PTPRC: variants seen among roughly 807,000 people sequenced by gnomAD.
PTPRC encodes the protein receptor-type tyrosine-protein phosphatase C.
Under a neutral mutation model 155.9 loss-of-function variants are expected in PTPRC, and 44 were observed. The observed-to-expected ratio is 0.28, with a 90% CI of 0.22 to 0.36. The LOEUF (loss-of-function observed/expected upper bound fraction) is 0.36, where lower values mean the gene tolerates loss of function less well. PTPRC is among the 10% of genes least tolerant of loss of function. The pLI is 1.00. For synonymous variants in PTPRC, 525 were observed against 533.1 expected (o/e 0.98, Z 0.21); for missense variants, 1,401 against 1,564.6 (o/e 0.90, Z 1.76).
intron 2 of PTPRC, among the ~76,000 whole-genome samples, chr1:198,666,335 G>A (rs917548809): frequency 2.6e-5 from 4 of 151,902 alleles, no homozygotes; most frequent in Non-Finnish European, 4.4e-5. Flanking sequence ...ATGTGTATGT[G>A]TGGAATCATG....
At chr1:198,729,886 A>C (rs1654310234) in intron 17 of PTPRC, among the ~76,000 whole-genome samples, 2 of 152,104 alleles carry the variant, frequency 1.3e-5, no homozygotes, top group Admixed American at 6.6e-5. Flanking sequence ...CAATGGACAA[A>C]TGAGGGAGTG....
At chr1:198,680,112 A>T (rs1374045797) in intron 2 of PTPRC, 3 of 410,910 alleles carry the variant, frequency 7.3e-6, no homozygotes, top group Non-Finnish European at 1.3e-5. Context: ...GCGACTCGGC[A>T]GCCTCTGAAA....
chr1:198,715,695 A>G lies in PTPRC; in HGVS notation c.1292-987A>G, dbSNP rs76330067. The stretch of plus-strand genomic sequence containing the variant: ...AATCTCTCTGTGGCTCAGTTTTGTC[A>G]TCTGTAAAATCAGATGATAGTGAGT... On this transcript the variant is annotated intron_variant, in intron 12 of 32. Coordinates refer to ENST00000442510, the MANE Select transcript of PTPRC (RefSeq NM_002838.5). Among the ~76,000 whole-genome samples the G allele has an allele frequency of 9.2e-5, 14 of 152,226 alleles. No homozygotes were observed. In the East Asian group the frequency reaches 2.7e-3, roughly 29 times the overall value.
intron 2 of PTPRC, among the ~76,000 whole-genome samples, chr1:198,689,271 A>G (rs374589128): frequency 2.0e-5 from 3 of 152,168 alleles, no homozygotes; most frequent in African/African-American, 7.2e-5. Flanking sequence ...TGAATAGTGT[A>G]CTGGTTGGAA....
In PTPRC at chr1:198,675,849, G is replaced by A. The variant is rs113088804; in HGVS notation, c.74-16498G>A. Among the ~76,000 whole-genome samples, 1,404 of 152,222 alleles carry A rather than the reference G, an allele frequency of 9.2e-3. 17 individuals carry two copies. Among genetic ancestry groups the A allele is most frequent in the African/African-American group, 0.032 (1,326 of 41,542 alleles). ...TCGGAAGGGATAAGTAATTTCTGTT[G>A]TATCTACTAATTTCATTTAAAAAGA... is the stretch of plus-strand genomic sequence containing the variant. On this transcript the variant is annotated intron_variant, in intron 2 of 32. Transcript: ENST00000442510.
chr1:198,735,381 G>A, intron 23 of PTPRC, 129 bp downstream of exon 23: 1 of 911,100 alleles, frequency 1.1e-6, no homozygotes. Flanking sequence ...GATGAAAGCT[G>A]TGGTTAGAAC....
intron 31 of PTPRC, among the ~76,000 whole-genome samples, chr1:198,753,262 T>C (rs1307813033): frequency 9.2e-5 from 14 of 152,156 alleles, no homozygotes; most frequent in African/African-American, 3.4e-4. Context: ...TGAAACTCAT[T>C]ATTTAATTTT....
chr1:198,754,174 G>A (rs1655514730), intron 31 of PTPRC, 95 bp from the exon 32 acceptor site: 2 of 1,413,452 alleles, frequency 1.4e-6, no homozygotes, highest in East Asian at 2.3e-5. Flanking sequence ...TAAACATGAA[G>A]CAAAAAATAT....
At chr1:198,748,345 A>T in intron 27 of PTPRC, 146 bp downstream of exon 27, 1 of 1,078,670 alleles carries the variant, frequency 9.3e-7, no homozygotes, top group Non-Finnish European at 1.3e-6. Context: ...ACTAGGTATT[A>T]AAATACTAGT....
At chr1:198,742,095 TGTTA>T in intron 24 of PTPRC, 69 bp downstream of exon 24, 5 of 1,603,132 alleles carry the variant, frequency 3.1e-6, no homozygotes, top group Middle Eastern at 1.7e-4. Flanking sequence ...TGCCTAGGGC[TGTTA>T]GAGACATCTT....
At chr1:198,649,769 A>G (rs1263481064) in intron 2 of PTPRC, among the ~76,000 whole-genome samples, 1 of 151,942 alleles carries the variant, frequency 6.6e-6, no homozygotes, top group African/African-American at 2.4e-5. Flanking sequence ...TTAAGTGTTG[A>G]CACAGTGGTA....
chr1:198,726,575 C>T (rs1654144001), intron 15 of PTPRC, among the ~76,000 whole-genome samples: 1 of 152,166 alleles, frequency 6.6e-6, no homozygotes, highest in Admixed American at 6.6e-5. Context: ...AAGCTCAGGT[C>T]TTACAGTCTG....
intron 13 of PTPRC, among the ~76,000 whole-genome samples, chr1:198,717,100 T>C (rs752247671): frequency 3.9e-5 from 6 of 152,238 alleles, no homozygotes; most frequent in Non-Finnish European, 8.8e-5. Context: ...TGCAATTTCA[T>C]GCAGTTAAGT....
rs1245277728 is a variant in PTPRC at position 198,679,233 on chromosome 1, CT to C, written c.74-13096del. On this transcript the variant is annotated intron_variant, in intron 2 of 32. Coordinates refer to ENST00000442510, the MANE Select transcript of PTPRC (RefSeq NM_002838.5). ...CTGGGGCCACGAGCACGAGCTCGTA[CT>C]TTTTTTTTTTTTTTTTTGAGACGGA... 3.2e-3 allele frequency: 438 copies of C among 135,242 alleles called. 2 individuals are homozygous for C. Among genetic ancestry groups the C allele is most frequent in the Middle Eastern group, 0.02 (5 of 250 alleles). 8.4% of individuals were successfully genotyped at this position (135,242 alleles called of 1,614,324 possible). A position where few individuals can be genotyped will look rare whatever the true frequency, so the allele number is the denominator to read the frequency against.
At chr1:198,725,764 A>G (rs1048347880) in intron 15 of PTPRC, among the ~76,000 whole-genome samples, 5 of 152,164 alleles carry the variant, frequency 3.3e-5, no homozygotes, top group Middle Eastern at 3.4e-3. Flanking sequence ...TTTGACTTCC[A>G]TGTTCTGACC....
chr1:198,653,099 T>G (rs1663345984), intron 2 of PTPRC, among the ~76,000 whole-genome samples: 1 of 151,878 alleles, frequency 6.6e-6, no homozygotes, highest in African/African-American at 2.4e-5. Flanking sequence ...TCTATTAATA[T>G]CAATTTAACT....
At chr1:198,722,095 T>G (rs966668686) in intron 14 of PTPRC, among the ~76,000 whole-genome samples, 1 of 151,096 alleles carries the variant, frequency 6.6e-6, no homozygotes, top group African/African-American at 2.4e-5. Flanking sequence ...AATAGGGAAT[T>G]TTAACTTTAT....
Position 198,696,837 on chromosome 1 carries a change from C to G in PTPRC, c.226C>G (p.Leu76Val), listed in dbSNP as rs975885112. The part of the protein sequence containing the change: ...ENDFSETTTS[L>V]SPDNTSTQVS... The stretch of plus-strand genomic sequence containing the variant: ...TGACTTCTCAGAGACCACAACTTCT[C>G]TTAGTCCAGACAATACTTCCACCCA... The change falls in exon 4 of 33, where the codon CTT becomes GTT. Residue 76 changes from leucine to valine, a missense_variant. By Grantham distance (32) the Leu-to-Val change is conservative. Transcript: ENST00000442510. 2 of 1,613,968 alleles carry G rather than the reference C, an allele frequency of 1.2e-6. No homozygotes were observed. The highest frequency in any genetic ancestry group is 1.3e-5 in the African/African-American group (1 of 74,926).
chr1:198,643,426 T>TA (rs972496853), intron 2 of PTPRC, among the ~76,000 whole-genome samples: 9 of 151,798 alleles, frequency 5.9e-5, no homozygotes, highest in East Asian at 1.9e-4. Flanking sequence ...GAATATGAGA[T>TA]AAAAAAATTA....
Sources: allele counts gnomAD v4.1 joint callset (sites outside exome capture counted in the v4.1 genomes callset), GRCh38; gene constraint gnomAD v4.1.1; transcripts MANE v1.5; gene names NCBI Gene and HGNC (gene_info 2026-07-23, HGNC 2026-07-21).